The following ADAM28 variants were observed in gnomAD, a reference collection of about 807,000 sequenced individuals.
ADAM28 encodes the protein ADAM metallopeptidase domain 28, also known as disintegrin and metalloproteinase domain-containing protein 28.
A neutral mutation model predicts 101.2 loss-of-function variants in ADAM28; 105 were observed. The observed-to-expected ratio is 1.04, with a 90% CI of 0.89 to 1.22. ADAM28 has a LOEUF of 1.22. ADAM28 is among the 50% of genes most tolerant of loss of function. ADAM28 has a pLI of 0.00. For missense variants in ADAM28, 1,028 were observed against 945.4 expected, an observed-to-expected ratio of 1.09 and a Z score of -1.15; for synonymous variants, 322 against 310.6, an observed-to-expected ratio of 1.04 and a Z score of -0.39.
Position 24,300,009 on chromosome 8 carries a change from T to C in ADAM28, c.82T>C (p.Tyr28His). The C allele has an allele frequency of 6.2e-7, 1 of 1,613,554 alleles. No homozygotes were observed. The highest frequency in any genetic ancestry group is 8.5e-7 in the Non-Finnish European group (1 of 1,179,988). The stretch of plus-strand genomic sequence containing the variant: ...AAAAGAACTCCCTGGGGTGAAGAAG[T>C]ATGAAGTGGTTTATCCTATAAGACT... ...AIKELPGVKKYEVVYPIRLHP... is the reference protein window; with the variant it reads ...AIKELPGVKKHEVVYPIRLHP... Residue 28 changes from tyrosine (Y) to histidine (H), a missense_variant, in exon 2 of 23, where the codon TAT becomes CAT. Coordinates refer to ENST00000265769, the MANE Select transcript of ADAM28 (RefSeq NM_014265.6).
At chr8:24,338,627 C>T (rs527541633) in intron 14 of ADAM28, among the ~76,000 whole-genome samples, 6 of 152,060 alleles carry the variant, frequency 3.9e-5, no homozygotes, top group East Asian at 1.9e-4. Context: ...ACATGAAATT[C>T]GTTTAAAAGT....
chr8:24,331,412 T>C, intron 12 of ADAM28, 85 bp downstream of exon 12: 1 of 1,348,186 alleles, frequency 7.4e-7, no homozygotes, highest in Non-Finnish European at 9.9e-7. Context: ...TGGCCCGCTA[T>C]AACATTATAG....
chr8:24,298,834 G>A (rs1252063015), intron 1 of ADAM28, among the ~76,000 whole-genome samples: 1 of 152,000 alleles, frequency 6.6e-6, no homozygotes, highest in African/African-American at 2.4e-5. Flanking sequence ...AGACCACATG[G>A]GCAAATCAAA....
intron 9 of ADAM28, 112 bp from the exon 10 acceptor site, chr8:24,326,442 T>C: frequency 4.3e-6 from 4 of 927,174 alleles, no homozygotes; most frequent in Admixed American, 4.8e-5. Context: ...AATATGACAG[T>C]GATGGTTCAC....
At chr8:24,294,327 G>C in intron 1 of ADAM28, 132 bp downstream of exon 1, 1 of 1,056,428 alleles carries the variant, frequency 9.5e-7, no homozygotes, top group African/African-American at 1.6e-5. Context: ...TTACTAACCA[G>C]TTGGGCTGGT....
chr8:24,335,458 G>T lies in ADAM28; in HGVS notation c.1384G>T (p.Gly462Trp). ...TGTTTTTCTACAGTTTAAAAAGGCT[G>T]GGATGGTGTGCAGACCAGCAAAAGA... ...CCEKCQFKKA[G>W]MVCRPAKDEC... is the part of the protein sequence containing the mutation. Residue 462 changes from glycine to tryptophan, a missense_variant, in exon 14 of 23, where the codon GGG becomes TGG. By Grantham distance (184) the Gly-to-Trp change is radical. Transcript: ENST00000265769. The T allele has an allele frequency of 1.2e-6, 2 of 1,611,892 alleles. No homozygotes were observed. Among genetic ancestry groups the T allele is most frequent in the South Asian group, 2.2e-5 (2 of 90,732 alleles).
intron 1 of ADAM28, 95 bp downstream of exon 1, chr8:24,294,290 T>A: frequency 7.0e-7 from 1 of 1,425,826 alleles, no homozygotes; most frequent in Non-Finnish European, 9.8e-7. Flanking sequence ...TTTTGACTTT[T>A]TTCTTTTTCT....
At position 24,343,559 on chromosome 8, in the gene ADAM28, C is replaced by T. The variant is rs745853163; in HGVS notation, c.1965C>T (p.Asp655=). The T allele has an allele frequency of 2.5e-6, 4 of 1,613,704 alleles. No individual in the cohort carries two copies. In the South Asian group the frequency reaches 4.4e-5, roughly 18 times the overall value. Residue 655 remains aspartate (D), a synonymous_variant, in exon 18 of 23, where the codon GAC becomes GAT. Transcript: ENST00000265769. Reference sequence around the variant, plus strand: ...GTGAGGAAGGATGGATCCCTCCCGACTGCGATGACTCCTCAGTGGTCTTCC... The same window carrying T: ...GTGAGGAAGGATGGATCCCTCCCGATTGCGATGACTCCTCAGTGGTCTTCC... ...CQCEEGWIPP[D]CDDSSVVFHF...
chr8:24,332,689 GAC>G lies in ADAM28; in HGVS notation c.1313_1314del (p.Thr438MetfsTer2). Reference sequence around the variant, plus strand: ...GTACCAATATTTGCTGTGATGCTAAGACATGTAAAATCAAAGCAACTTTTCAA... The same window carrying G: ...GTACCAATATTTGCTGTGATGCTAAGATGTAAAATCAAAGCAACTTTTCAA... The part of the protein sequence containing the change: ...ECTNICCDAK[T>X]CKIKATFQCA... On this transcript the variant is annotated frameshift_variant, in exon 13 of 23. Transcript: ENST00000265769. LOFTEE classifies it high-confidence loss of function. 6.6e-7 allele frequency: 1 copy of G among 1,525,850 alleles called. No homozygotes were observed. Among genetic ancestry groups the G allele is most frequent in the Non-Finnish European group, 8.9e-7 (1 of 1,128,888 alleles). The allele number at this position is 1,525,850 out of a possible 1,614,324, so 94.5% of individuals were successfully genotyped here. A position where few individuals can be genotyped will look rare whatever the true frequency, so the allele number is the denominator to read the frequency against.
Position 24,350,272 on chromosome 8 carries a change from T to G in ADAM28, c.2099+300T>G, listed in dbSNP as rs559274898. On this transcript the variant is annotated intron_variant, in intron 19 of 22. Coordinates refer to ENST00000265769, the MANE Select transcript of ADAM28 (RefSeq NM_014265.6). Reference sequence around the variant, plus strand: ...GTTGTAAGAATATAATATCTAACATTATTTGATCAATATACGATGAGCACT... The same window carrying G: ...GTTGTAAGAATATAATATCTAACATGATTTGATCAATATACGATGAGCACT... Among the ~76,000 whole-genome samples, 7 of 152,240 alleles carry G rather than the reference T, an allele frequency of 4.6e-5. No individual in the cohort carries two copies. In the South Asian group the frequency reaches 1.4e-3, roughly 32 times the overall value.
chr8:24,317,236 C>T (rs1387774441), intron 6 of ADAM28, among the ~76,000 whole-genome samples: 1 of 150,872 alleles, frequency 6.6e-6, no homozygotes, highest in Non-Finnish European at 1.5e-5. Context: ...CCCAAATAGT[C>T]AAAGGAATTC....
chr8:24,297,889 T>C (rs1808188378), intron 1 of ADAM28, among the ~76,000 whole-genome samples: 3 of 152,342 alleles, frequency 2.0e-5, no homozygotes, highest in African/African-American at 7.2e-5. Flanking sequence ...TAATTGATGT[T>C]ATTCTTTTCC....
chr8:24,310,361 C>A, intron 4 of ADAM28, 120 bp downstream of exon 4: 1 of 786,578 alleles, frequency 1.3e-6, no homozygotes, highest in Non-Finnish European at 2.0e-6. Flanking sequence ...CTTTTTTCAG[C>A]AGTAGCCATT....
chr8:24,305,756 C>T (rs995144108), intron 2 of ADAM28, among the ~76,000 whole-genome samples: 1 of 151,938 alleles, frequency 6.6e-6, no homozygotes, highest in African/African-American at 2.4e-5. Flanking sequence ...CTCTCCTGCT[C>T]CCTTTGGTTG....
Position 24,355,187 on chromosome 8 carries a change from A to G in ADAM28, c.*783A>G, listed in dbSNP as rs1341276318. The G allele has an allele frequency of 6.6e-6, 1 of 152,546 alleles. No individual in the cohort carries two copies. Among genetic ancestry groups the G allele is most frequent in the African/African-American group, 2.4e-5 (1 of 41,460 alleles). 9.4% of individuals were successfully genotyped at this position (152,546 alleles called of 1,614,324 possible). A position where few individuals can be genotyped will look rare whatever the true frequency, so the allele number is the denominator to read the frequency against. On this transcript the variant is annotated 3_prime_UTR_variant, in exon 23 of 23. Transcript: ENST00000265769. Reference sequence around the variant, plus strand: ...ATTTAAAAATTGAGAGATCTTGCATAAACAATAGATTCCCAGCTTTGTCAG... The same window carrying G: ...ATTTAAAAATTGAGAGATCTTGCATGAACAATAGATTCCCAGCTTTGTCAG...
chr8:24,309,867 C>G, intron 2 of ADAM28, 27 bp from the exon 3 acceptor site: 1 of 1,424,994 alleles, frequency 7.0e-7, no homozygotes, highest in Non-Finnish European at 9.8e-7. Flanking sequence ...TTTTTAATTA[C>G]AAGTAAATGT....
chr8:24,343,724 C>T, intron 18 of ADAM28, 140 bp downstream of exon 18: 3 of 719,152 alleles, frequency 4.2e-6, no homozygotes, highest in Non-Finnish European at 6.8e-6. Context: ...CAATATTTAT[C>T]CCCCAAATCT....
rs1816609331 is a variant in ADAM28 at position 24,355,352 on chromosome 8, C to T, written c.*948C>T. 6.6e-6 allele frequency: 1 copy of T among 151,446 alleles called. No individual in the cohort carries two copies. The highest frequency in any genetic ancestry group is 1.5e-5 in the Non-Finnish European group (1 of 67,852). 9.4% of individuals were successfully genotyped at this position (151,446 alleles called of 1,614,324 possible). A position where few individuals can be genotyped will look rare whatever the true frequency, so the allele number is the denominator to read the frequency against. On this transcript the variant is annotated 3_prime_UTR_variant, in exon 23 of 23. Transcript: ENST00000265769. ...ATCCCCTTTTTCCTGGCTTTTAGAA[C>T]AATAATTTTGTTCACCTGCCCACTT...
intron 2 of ADAM28, 70 bp from the exon 3 acceptor site, chr8:24,309,824 C>A: frequency 8.5e-7 from 1 of 1,177,576 alleles, no homozygotes; most frequent in Non-Finnish European, 1.2e-6. Context: ...CTAATGACTA[C>A]ACAGATAGAA....
Sources: gnomAD v4.1 joint callset for allele counts (sites outside exome capture counted in the v4.1 genomes callset) on GRCh38, gnomAD v4.1.1 for gene constraint, MANE v1.5 for transcripts, NCBI Gene and HGNC (gene_info 2026-07-23, HGNC 2026-07-21) for gene names.